ISOC1: variants seen among roughly 807,000 people sequenced by gnomAD.
The protein encoded by ISOC1 is isochorismatase domain-containing protein 1.
Under a neutral mutation model 30.0 loss-of-function variants are expected in ISOC1, and 33 were observed. The ratio of observed to expected loss-of-function variants is 1.10; its 90% confidence interval spans 0.83 to 1.47. The LOEUF (loss-of-function observed/expected upper bound fraction) is 1.47, where lower values mean the gene tolerates loss of function less well. Among genes scored for constraint, ISOC1 ranks in the 40% most tolerant of loss-of-function variants. The pLI, the probability that ISOC1 is intolerant of heterozygous loss-of-function variation, is 0.00. For missense variants in ISOC1, 372 were observed against 388.0 expected, an observed-to-expected ratio of 0.96 and a Z score of 0.35; for synonymous variants, 178 against 159.8, an observed-to-expected ratio of 1.11 and a Z score of -0.86.
chr5:129,094,759 G>T lies in ISOC1; in HGVS notation c.-8G>T. On this transcript the variant is annotated 5_prime_UTR_variant, in exon 1 of 5. Coordinates refer to ENST00000173527, the MANE Select transcript of ISOC1 (RefSeq NM_016048.2). ...GCGGCCTCGGAGCTCGCAGACGCTC[G>T]GGGGAACATGGCGGCTGCGGAGCCG... 1 of 1,469,588 alleles carries T rather than the reference G, an allele frequency of 6.8e-7. No individual in the cohort carries two copies. 91.0% of individuals were successfully genotyped at this position (1,469,588 alleles called of 1,614,324 possible). A position where few individuals can be genotyped will look rare whatever the true frequency, so the allele number is the denominator to read the frequency against.
In ISOC1 at chr5:129,105,233, T is replaced by C. The variant is rs1466555170; in HGVS notation, c.478T>C (p.Tyr160His). 3 of 1,613,748 alleles carry C rather than the reference T, an allele frequency of 1.9e-6. No homozygotes were observed. The highest frequency in any genetic ancestry group is 2.7e-5 in the African/African-American group (2 of 74,878). ...AATTCCTGTTATTGTAACAGAACAATACCCTAAAGGTCTTGGGAGCACGGT... is the reference window on the plus strand; with the variant it reads ...AATTCCTGTTATTGTAACAGAACAACACCCTAAAGGTCTTGGGAGCACGGT... Reference protein sequence around the residue: ...LGIPVIVTEQYPKGLGSTVQE... With the variant: ...LGIPVIVTEQHPKGLGSTVQE... Residue 160 changes from tyrosine (Y) to histidine (H), a missense_variant, in exon 3 of 5, where the codon TAC becomes CAC. Coordinates refer to ENST00000173527, the MANE Select transcript of ISOC1 (RefSeq NM_016048.2).
intron 1 of ISOC1, among the ~76,000 whole-genome samples, chr5:129,096,093 T>G (rs1753496840): frequency 6.6e-6 from 1 of 152,228 alleles, no homozygotes; most frequent in South Asian, 2.1e-4. Context: ...ACATAATAGT[T>G]GTACATATTT....
chr5:129,094,874 G>C lies in ISOC1; in HGVS notation c.108G>C (p.Ala36=). ...VPVLFCFSVF[A]RPSSVPHGAG... is the part of the protein sequence containing the mutation. ...TGCTCTTCTGTTTCTCAGTCTTCGC[G>C]CGACCCTCGTCGGTGCCACACGGGG... Residue 36 remains alanine, a synonymous_variant, in exon 1 of 5, where the codon GCG becomes GCC. Coordinates refer to ENST00000173527, the MANE Select transcript of ISOC1 (RefSeq NM_016048.2). 1 of 1,599,858 alleles carries C rather than the reference G, an allele frequency of 6.3e-7. No individual in the cohort carries two copies. The highest frequency in any genetic ancestry group is 8.5e-7 in the Non-Finnish European group (1 of 1,175,062).
chr5:129,094,776 G>A lies in ISOC1; in HGVS notation c.10G>A (p.Ala4Thr). 8 of 1,502,516 alleles carry A rather than the reference G, an allele frequency of 5.3e-6. No individual in the cohort carries two copies. Among genetic ancestry groups the A allele is most frequent in the Non-Finnish European group, 7.1e-6 (8 of 1,131,396 alleles). The allele number at this position is 1,502,516 out of a possible 1,614,324, so 93.1% of individuals were successfully genotyped here. A position where few individuals can be genotyped will look rare whatever the true frequency, so the allele number is the denominator to read the frequency against. ...AGACGCTCGGGGGAACATGGCGGCT[G>A]CGGAGCCGGCGGTCCTTGCGCTCCC... is the stretch of plus-strand genomic sequence containing the variant. MAA[A>T]EPAVLALPNS... Residue 4 changes from alanine to threonine, a missense_variant, in exon 1 of 5, where the codon GCG becomes ACG. Coordinates refer to ENST00000173527, the MANE Select transcript of ISOC1 (RefSeq NM_016048.2).
intron 1 of ISOC1, among the ~76,000 whole-genome samples, chr5:129,100,143 C>T (rs1753552649): frequency 1.3e-5 from 2 of 152,296 alleles, no homozygotes; most frequent in South Asian, 2.1e-4. Flanking sequence ...CAGACTTTCT[C>T]CCAAACAGAT....
chr5:129,095,263 C>G lies in ISOC1; in HGVS notation c.309+188C>G, dbSNP rs192245981. Reference sequence around the variant, plus strand: ...GGGGCCGGCTGGGGAATGCCCCTGTCCAAAGGTGATGGTCACCAGCTGTCC... The same window carrying G: ...GGGGCCGGCTGGGGAATGCCCCTGTGCAAAGGTGATGGTCACCAGCTGTCC... On this transcript the variant is annotated intron_variant, in intron 1 of 4. Transcript: ENST00000173527. 8.5e-4 allele frequency among the ~76,000 whole-genome samples: 130 copies of G among 152,342 alleles called. 1 individual carries two copies. Among genetic ancestry groups the G allele is most frequent in the Non-Finnish European group, 1.3e-3 (88 of 68,034 alleles).
At chr5:129,095,128 C>T in intron 1 of ISOC1, 53 bp downstream of exon 1, 1 of 1,463,078 alleles carries the variant, frequency 6.8e-7, no homozygotes, top group Non-Finnish European at 9.0e-7. Context: ...GTCCCCGTCC[C>T]CGTCCCTGTC....
intron 1 of ISOC1, chr5:129,097,630 T>C (rs542644324): frequency 1.3e-4 from 20 of 152,332 alleles, no homozygotes; most frequent in African/African-American, 4.8e-4. Flanking sequence ...AACTTTCACT[T>C]TGAGGAAGTG....
intron 4 of ISOC1, among the ~76,000 whole-genome samples, chr5:129,109,157 C>A (rs967471755): frequency 3.9e-5 from 6 of 152,286 alleles, no homozygotes; most frequent in East Asian, 1.9e-4. Context: ...AAAACAATTC[C>A]CATCTGAACC....
intron 1 of ISOC1, among the ~76,000 whole-genome samples, chr5:129,098,317 G>C (rs1393128663): frequency 6.6e-6 from 1 of 152,180 alleles, no homozygotes; most frequent in African/African-American, 2.4e-5. Context: ...AACAATGTCT[G>C]CCGACAGCTC....
In ISOC1 at chr5:129,094,959, C is replaced by A. The variant is rs1384883049; in HGVS notation, c.193C>A (p.His65Asn). ...CCTGTACGGCGACCAGATCGACATG[C>A]ACCGCAAATTCGTGGTGCAGCTGTT... is the stretch of plus-strand genomic sequence containing the variant. ...LSLYGDQIDMHRKFVVQLFAE... is the reference protein window; with the variant it reads ...LSLYGDQIDMNRKFVVQLFAE... The change falls in exon 1 of 5, where the codon CAC (histidine) becomes AAC (asparagine). Residue 65 changes from histidine to asparagine, a missense_variant. Transcript: ENST00000173527. 1.2e-6 allele frequency: 2 copies of A among 1,612,014 alleles called. No homozygotes were observed. The highest frequency in any genetic ancestry group is 1.7e-6 in the Non-Finnish European group (2 of 1,179,816).
intron 3 of ISOC1, 148 bp downstream of exon 3, chr5:129,105,536 A>T (rs1753627277): frequency 3.0e-6 from 2 of 672,018 alleles, no homozygotes; most frequent in Admixed American, 2.9e-5. Context: ...TTTGCATGGC[A>T]CTGATCTGAA....
intron 2 of ISOC1, 32 bp downstream of exon 2, chr5:129,105,107 C>T (rs1431660106): frequency 3.1e-6 from 5 of 1,613,428 alleles, no homozygotes; most frequent in Middle Eastern, 3.3e-4. Context: ...GTCATATTTG[C>T]TGAATCATCA....
At chr5:129,096,548 C>A (rs1753504060) in intron 1 of ISOC1, among the ~76,000 whole-genome samples, 2 of 152,190 alleles carry the variant, frequency 1.3e-5, no homozygotes, top group Non-Finnish European at 2.9e-5. Context: ...CAGAATCTTA[C>A]CTGCTGCTCA....
At chr5:129,100,238 T>C (rs1471255759) in intron 1 of ISOC1, among the ~76,000 whole-genome samples, 1 of 100,820 alleles carries the variant, frequency 9.9e-6, no homozygotes, top group African/African-American at 5.2e-5. Flanking sequence ...TCCAAATCCC[T>C]ATAGTAATTT....
intron 3 of ISOC1, among the ~76,000 whole-genome samples, chr5:129,106,172 T>C (rs1753635685): frequency 6.6e-6 from 1 of 152,184 alleles, no homozygotes; most frequent in Non-Finnish European, 1.5e-5. Flanking sequence ...TCATCATCAT[T>C]AGACCTTATG....
Position 129,094,916 on chromosome 5 carries a change from C to T in ISOC1, c.150C>T (p.Leu50=), listed in dbSNP as rs367964167. Residue 50 remains leucine (L), a synonymous_variant, in exon 1 of 5, where the codon CTC becomes CTT. Transcript: ENST00000173527. ...SVPHGAGYEL[L]IQKFLSLYGD... ...CACACGGGGCGGGCTACGAGCTGCT[C>T]ATCCAGAAGTTCCTCAGCCTGTACG... is the stretch of plus-strand genomic sequence containing the variant. 65 of 1,612,090 alleles carry T rather than the reference C, an allele frequency of 4.0e-5. No individual in the cohort carries two copies. Among genetic ancestry groups the T allele is most frequent in the Non-Finnish European group, 4.8e-5 (57 of 1,179,792 alleles).
intron 1 of ISOC1, chr5:129,097,823 G>A (rs1388106652): frequency 1.3e-5 from 2 of 153,220 alleles, no homozygotes; most frequent in South Asian, 2.1e-4. Context: ...GAGCAGTCTG[G>A]AAAACAAGTC....
intron 3 of ISOC1, 33 bp downstream of exon 3, chr5:129,105,421 A>G (rs1753624626): frequency 6.5e-7 from 1 of 1,545,938 alleles, no homozygotes; most frequent in African/African-American, 1.4e-5. Context: ...TAGGCACAAT[A>G]TTATTTATAG....
Sources: gnomAD v4.1 joint callset for allele counts (sites outside exome capture counted in the v4.1 genomes callset) on GRCh38, gnomAD v4.1.1 for gene constraint, MANE v1.5 for transcripts, NCBI Gene and HGNC (gene_info 2026-07-23, HGNC 2026-07-21) for gene names.